Variants in ANK2 observed in about 807,000 individuals in gnomAD.
ANK2 encodes the protein ankyrin 2.
A neutral mutation model predicts 360.5 loss-of-function variants in ANK2; 83 were observed. That is an observed-to-expected ratio of 0.23 (90% CI 0.19 to 0.28). ANK2 has a LOEUF of 0.28. Among genes scored for constraint, ANK2 ranks in the 10% least tolerant of loss-of-function variants. The pLI is 1.00. For synonymous variants in ANK2, 1,740 were observed against 1,759.5 expected (o/e 0.99, Z 0.28); for missense variants, 4,201 against 4,795.7 (o/e 0.88, Z 3.66).
intron 16 of ANK2, 21 bp from the exon 17 acceptor site, chr4:113,278,439 A>G (rs1198471309): frequency 1.9e-6 from 3 of 1,611,064 alleles, no homozygotes; most frequent in African/African-American, 2.7e-5. Flanking sequence ...TAATGCTGAA[A>G]CTTAAACACA....
intron 1 of ANK2, among the ~76,000 whole-genome samples, chr4:113,110,069 A>T (rs911342225): frequency 6.6e-6 from 1 of 152,224 alleles, no homozygotes; most frequent in African/African-American, 2.4e-5. Flanking sequence ...CTGCTAATAA[A>T]TATATACCAG....
At chr4:112,719,726 C>CTAAA in the ANK2 span, among the ~76,000 whole-genome samples, 5 of 101,574 alleles carry the variant, frequency 4.9e-5, no homozygotes, top group South Asian at 6.0e-4. Flanking sequence ...GACTCCGACT[C>CTAAA]AAAAAAAAAA....
chr4:113,354,612 G>T lies in ANK2; in HGVS notation c.5994G>T (p.Gln1998His), dbSNP rs1363542531. 41 of 1,614,034 alleles carry T rather than the reference G, an allele frequency of 2.5e-5. No individual in the cohort carries two copies. The highest frequency in any genetic ancestry group is 3.4e-5 in the Non-Finnish European group (40 of 1,179,982). Residue 1998 changes from glutamine to histidine, a missense_variant, in exon 38 of 46, where the codon CAG (glutamine) becomes CAT (histidine). Gln to His is a conservative substitution (Grantham distance 24). Coordinates refer to ENST00000357077, the MANE Select transcript of ANK2 (RefSeq NM_001148.6). The stretch of plus-strand genomic sequence containing the variant: ...TTCGGGAGCTGATGAAGGCTTTCCA[G>T]TCAGGTCAGGACCCTTCTAAACATA... The part of the protein sequence containing the change: ...MSVRELMKAF[Q>H]SGQDPSKHKT...
rs2153978768 is a variant in ANK2 at position 113,341,645 on chromosome 4, T to C, written c.3894-43T>C. The C allele has an allele frequency of 2.5e-6, 4 of 1,589,798 alleles. No individual in the cohort carries two copies. In the East Asian group the frequency reaches 8.9e-5, roughly 36 times the overall value. ...GGAACTGATTTTATTTTTCACATGG[T>C]ATACTTTGAACTTTAGATAACTGAC... On this transcript the variant is annotated intron_variant, in intron 32 of 45. Transcript: ENST00000357077.
chr4:113,358,405 A>T lies in ANK2; in HGVS notation c.9787A>T (p.Arg3263Trp), dbSNP rs1381979532. Reference protein sequence around the residue: ...QVQLDFSTLTRSVYSDRGDDS... With the variant: ...QVQLDFSTLTWSVYSDRGDDS... ...CCAGTTAGATTTTTCCACACTCACCAGGTCTGTTTATTCAGATAGGGGTGA... is the reference window on the plus strand; with the variant it reads ...CCAGTTAGATTTTTCCACACTCACCTGGTCTGTTTATTCAGATAGGGGTGA... Residue 3263 changes from arginine to tryptophan, a missense_variant, in exon 38 of 46, where the codon AGG (arginine) becomes TGG (tryptophan). Physicochemically the swap from Arg to Trp is moderately radical, Grantham distance 101. Coordinates refer to ENST00000357077, the MANE Select transcript of ANK2 (RefSeq NM_001148.6). 1 of 1,613,942 alleles carries T rather than the reference A, an allele frequency of 6.2e-7. No homozygotes were observed. Among genetic ancestry groups the T allele is most frequent in the East Asian group, 2.2e-5 (1 of 44,890 alleles).
At chr4:113,314,480 C>A (rs982602041) in intron 24 of ANK2, among the ~76,000 whole-genome samples, 1 of 152,112 alleles carries the variant, frequency 6.6e-6, no homozygotes, top group South Asian at 2.1e-4. Context: ...CCTAGTACAT[C>A]CCCTAGATGA....
intron 14 of ANK2, among the ~76,000 whole-genome samples, chr4:113,269,081 C>T (rs1373660427): frequency 2.0e-5 from 3 of 152,140 alleles, no homozygotes; most frequent in African/African-American, 7.2e-5. Flanking sequence ...TCTGTGGGGT[C>T]AGTGGTGATA....
At chr4:112,888,373 C>T (rs2079004573) in intron 1 of ANK2, among the ~76,000 whole-genome samples, 1 of 152,004 alleles carries the variant, frequency 6.6e-6, no homozygotes, top group East Asian at 1.9e-4. Flanking sequence ...TCAGAACACG[C>T]TCATATTTTG....
At chr4:113,157,682 A>G (rs1331568749) in intron 1 of ANK2, among the ~76,000 whole-genome samples, 1 of 152,228 alleles carries the variant, frequency 6.6e-6, no homozygotes, top group Non-Finnish European at 1.5e-5. Context: ...TGACTGCAGT[A>G]GCTTCATCCC....
chr4:112,713,923 G>A, the ANK2 span, among the ~76,000 whole-genome samples: 3 of 132,048 alleles, frequency 2.3e-5, no homozygotes, highest in Non-Finnish European at 3.1e-5. Flanking sequence ...GACAGAGCGA[G>A]ACTCCGTCTC....
chr4:112,719,553 C>G, the ANK2 span, among the ~76,000 whole-genome samples: 1 of 151,782 alleles, frequency 6.6e-6, no homozygotes, highest in Non-Finnish European at 1.5e-5. Flanking sequence ...ACAGTGAAAC[C>G]CCGCCTCTAC....
At position 113,301,420 on chromosome 4, in the gene ANK2, A is replaced by T. The variant is rs181361259; in HGVS notation, c.2476-1347A>T. Reference sequence around the variant, plus strand: ...ACACACACACACACACACATTGTGAAATGGCTAAATCAAGCTTATTAACAT... The same window carrying T: ...ACACACACACACACACACATTGTGATATGGCTAAATCAAGCTTATTAACAT... On this transcript the variant is annotated intron_variant, in intron 22 of 45. Transcript: ENST00000357077. Among the ~76,000 whole-genome samples, 670 of 151,720 alleles carry T rather than the reference A, an allele frequency of 4.4e-3. 8 individuals carry two copies. Among genetic ancestry groups the T allele is most frequent in the Non-Finnish European group, 6.8e-3 (462 of 67,862 alleles).
the ANK2 span, among the ~76,000 whole-genome samples, chr4:112,726,623 G>C: frequency 3.3e-5 from 5 of 151,860 alleles, no homozygotes; most frequent in African/African-American, 9.7e-5. Flanking sequence ...AGGCCGAGGC[G>C]GGCAGATCAC....
the ANK2 span, among the ~76,000 whole-genome samples, chr4:112,714,096 A>G: frequency 6.6e-6 from 1 of 152,232 alleles, no homozygotes; most frequent in Non-Finnish European, 1.5e-5. Flanking sequence ...ATAAGGGTGT[A>G]GAGACACTTC....
chr4:112,964,240 C>T, intron 2 of ANK2, among the ~76,000 whole-genome samples: 1 of 150,678 alleles, frequency 6.6e-6, no homozygotes, highest in Admixed American at 6.7e-5. Context: ...ACAAACAATC[C>T]AAATATACTC....
At chr4:112,964,468 G>A (rs943614847) in intron 2 of ANK2, among the ~76,000 whole-genome samples, 4 of 151,848 alleles carry the variant, frequency 2.6e-5, no homozygotes, top group Admixed American at 6.6e-5. Context: ...TTAGCATAAT[G>A]ACCTCCAGTT....
rs1437584443 is a variant in ANK2 at position 113,358,077 on chromosome 4, G to A, written c.9459G>A (p.Gly3153=). The change falls in exon 38 of 46, where the codon GGG becomes GGA. Residue 3153 remains glycine, a synonymous_variant. Coordinates refer to ENST00000357077, the MANE Select transcript of ANK2 (RefSeq NM_001148.6). ...LSEDVKEGAT[G]ADPLPLETSA... is the part of the protein sequence containing the mutation. ...AAGATGTGAAAGAAGGGGCTACTGG[G>A]GCTGATCCCCTACCGCTGGAGACAT... The A allele has an allele frequency of 6.2e-7, 1 of 1,613,996 alleles. No individual in the cohort carries two copies. Among genetic ancestry groups the A allele is most frequent in the Admixed American group, 1.7e-5 (1 of 60,002 alleles).
chr4:112,746,946 G>A, the ANK2 span, among the ~76,000 whole-genome samples: 1 of 152,180 alleles, frequency 6.6e-6, no homozygotes, highest in African/African-American at 2.4e-5. Flanking sequence ...CTGTGGTCAC[G>A]CATTTACGAA....
chr4:113,132,539 C>G (rs908083416), intron 1 of ANK2, among the ~76,000 whole-genome samples: 10 of 152,114 alleles, frequency 6.6e-5, no homozygotes, highest in African/African-American at 2.4e-4. Context: ...ACTTTGTACC[C>G]TGGAACTGGA....
Sources: gnomAD v4.1 joint callset for allele counts (sites outside exome capture counted in the v4.1 genomes callset) on GRCh38, gnomAD v4.1.1 for gene constraint, MANE v1.5 for transcripts, NCBI Gene and HGNC (gene_info 2026-07-23, HGNC 2026-07-21) for gene names.